Variants in CD248 observed in about 807,000 individuals in gnomAD.
The protein encoded by CD248 is CD248 molecule.
A neutral mutation model predicts 8.0 loss-of-function variants in CD248; 7 were observed. The ratio of observed to expected loss-of-function variants is 0.88; its 90% confidence interval spans 0.50 to 1.64. CD248 has a LOEUF of 1.64. Among genes scored for constraint, CD248 ranks in the 40% most tolerant of loss-of-function variants. The pLI, the probability that CD248 is intolerant of heterozygous loss-of-function variation, is 0.00. For synonymous variants in CD248, 418 were observed against 437.1 expected, an observed-to-expected ratio of 0.96 and a Z score of 0.54; for missense variants, 912 against 1,027.2, an observed-to-expected ratio of 0.89 and a Z score of 1.53.
chr11:66,316,683 G>A lies in CD248; in HGVS notation c.345C>T (p.Thr115=). The change falls in exon 1 of 1, where the codon ACC becomes ACT. Residue 115 remains threonine (T), a synonymous_variant. Coordinates refer to ENST00000311330, the MANE Select transcript of CD248 (RefSeq NM_020404.3). ...CTCCAGAGGCTGGCTGGGCCCAGTT[G>A]GTGAAAGCCGTGTCCTGGTCCCCTG... ...WTTGDQDTAF[T]NWAQPASGGP... is the part of the protein sequence containing the mutation. 6.2e-7 allele frequency: 1 copy of A among 1,606,852 alleles called. No homozygotes were observed. The highest frequency in any genetic ancestry group is 8.5e-7 in the Non-Finnish European group (1 of 1,179,474).
chr11:66,317,008 A>T lies in CD248; in HGVS notation c.20T>A (p.Leu7Gln). ...TGTGGGCCCTGCGGCCGCCCAGGCC[A>T]GCAACAGGCGCAGCAGCATCGCGAT... is the stretch of plus-strand genomic sequence containing the variant. Reference protein sequence around the residue: MLLRLLLAWAAAGPTLG... With the variant: MLLRLLQAWAAAGPTLG... The change falls in exon 1 of 1, where the codon CTG becomes CAG. Residue 7 changes from leucine (L) to glutamine (Q), a missense_variant. Coordinates refer to ENST00000311330, the MANE Select transcript of CD248 (RefSeq NM_020404.3). 3 of 1,474,532 alleles carry T rather than the reference A, an allele frequency of 2.0e-6. No homozygotes were observed. Among genetic ancestry groups the T allele is most frequent in the Non-Finnish European group, 2.7e-6 (3 of 1,124,544 alleles). The allele number at this position is 1,474,532 out of a possible 1,614,324, so 91.3% of individuals were successfully genotyped here.
chr11:66,316,945 G>A lies in CD248; in HGVS notation c.83C>T (p.Ala28Val), dbSNP rs1347297805. 1 of 1,550,992 alleles carries A rather than the reference G, an allele frequency of 6.4e-7. No homozygotes were observed. The highest frequency in any genetic ancestry group is 8.6e-7 in the Non-Finnish European group (1 of 1,160,122). The change falls in exon 1 of 1, where the codon GCC becomes GTC. Residue 28 changes from alanine to valine, a missense_variant. By Grantham distance (64) the Ala-to-Val change is moderately conservative (BLOSUM62 0). This residue lies in a region of CD248 where 403 missense variants were observed against 446.2 expected (regional missense o/e 0.90). Coordinates refer to ENST00000311330, the MANE Select transcript of CD248 (RefSeq NM_020404.3). ...AGCGTAGCAGCTGCTGGGGCCGCAGGCGGCACGGGGCTCAGCAGCCCAGGG... is the reference window on the plus strand; with the variant it reads ...AGCGTAGCAGCTGCTGGGGCCGCAGACGGCACGGGGCTCAGCAGCCCAGGG... ...QDPWAAEPRA[A>V]CGPSSCYALF...
chr11:66,316,603 C>T lies in CD248; in HGVS notation c.425G>A (p.Trp142Ter). The T allele has an allele frequency of 6.2e-7, 1 of 1,601,996 alleles. No individual in the cohort carries two copies. Among genetic ancestry groups the T allele is most frequent in the African/African-American group, 1.3e-5 (1 of 75,030 alleles). ...VALEASGEHR[W>*]LEGSCTLAVD... ...AGCCAGCGTGCACGAGCCCTCCAGC[C>T]AGCGGTGCTCGCCACTTGCCTCCAG... The change falls in exon 1 of 1, where the codon TGG (tryptophan) becomes TAG (stop). Residue 142 changes from tryptophan (W) to a stop codon, truncating the protein, a stop_gained. Coordinates refer to ENST00000311330, the MANE Select transcript of CD248 (RefSeq NM_020404.3). LOFTEE classifies it low-confidence loss of function (END_TRUNC).
In CD248 at chr11:66,316,563, C is replaced by A; in HGVS notation, c.465G>T (p.Leu155=). 1 of 1,600,484 alleles carries A rather than the reference C, an allele frequency of 6.2e-7. No homozygotes were observed. Residue 155 remains leucine, a synonymous_variant, in exon 1 of 1, where the codon CTG becomes CTT. Coordinates refer to ENST00000311330, the MANE Select transcript of CD248 (RefSeq NM_020404.3). ...AGGCGCCCTCGAAGCCAAACTGGCACAGGTAGCCGTCGACAGCCAGCGTGC... is the reference window on the plus strand; with the variant it reads ...AGGCGCCCTCGAAGCCAAACTGGCAAAGGTAGCCGTCGACAGCCAGCGTGC... ...GSCTLAVDGY[L]CQFGFEGACP...
rs114284078 is a variant in CD248 at position 66,315,891 on chromosome 11, G to T, written c.1137C>A (p.Asp379Glu). Residue 379 changes from aspartate (D) to glutamate (E), a missense_variant, in exon 1 of 1, where the codon GAC becomes GAA. Physicochemically the swap from Asp to Glu is conservative, Grantham distance 45. This residue lies in a region of CD248 where 507 missense variants were observed against 562.2 expected (regional missense o/e 0.90). Coordinates refer to ENST00000311330, the MANE Select transcript of CD248 (RefSeq NM_020404.3). This position sits in a 1 kb window ranked among gnomAD's most constrained non-coding sequence, Gnocchi z 4.3. The stretch of plus-strand genomic sequence containing the variant: ...CACCGTTGAAGGCCTTCCAGGCCTC[G>T]TCTTCATCTTCCTCATCCTCCCCGT... Reference protein sequence around the residue: ...LDDGEDEEDEDEAWKAFNGGW... With the variant: ...LDDGEDEEDEEEAWKAFNGGW... The T allele has an allele frequency of 7.4e-6, 12 of 1,613,656 alleles. No individual in the cohort carries two copies. The highest frequency in any genetic ancestry group is 9.3e-6 in the Non-Finnish European group (11 of 1,180,004).
chr11:66,315,669 G>A lies in CD248; in HGVS notation c.1359C>T (p.Val453=). Residue 453 remains valine, a synonymous_variant, in exon 1 of 1, where the codon GTC becomes GTT. Transcript: ENST00000311330. The surrounding 1 kb of genome is among the most constrained non-coding windows in gnomAD (Gnocchi z 4.3). ...SVLSVTRPVV[V]SATHPTLPSA... is the part of the protein sequence containing the mutation. Reference sequence around the variant, plus strand: ...AAGGCAGTGTGGGATGCGTGGCAGAGACCACCACAGGCCGGGTGACGGAGA... The same window carrying A: ...AAGGCAGTGTGGGATGCGTGGCAGAAACCACCACAGGCCGGGTGACGGAGA... 1 of 1,613,764 alleles carries A rather than the reference G, an allele frequency of 6.2e-7. No homozygotes were observed. Among genetic ancestry groups the A allele is most frequent in the South Asian group, 1.1e-5 (1 of 91,078 alleles).
At position 66,314,718 on chromosome 11, in the gene CD248, A is replaced by G. The variant is rs754165698; in HGVS notation, c.*36T>C. 1 of 1,511,852 alleles carries G rather than the reference A, an allele frequency of 6.6e-7. No individual in the cohort carries two copies. Among genetic ancestry groups the G allele is most frequent in the Non-Finnish European group, 8.9e-7 (1 of 1,120,382 alleles). 93.7% of individuals were successfully genotyped at this position (1,511,852 alleles called of 1,614,324 possible). On this transcript the variant is annotated 3_prime_UTR_variant, in exon 1 of 1. Transcript: ENST00000311330. This position sits in a 1 kb window ranked among gnomAD's most constrained non-coding sequence, Gnocchi z 4.0. ...CTGGTGCAGCCCCGGCCATGTGTCC[A>G]GCGCCCCATACTCCATGAGGGGGGT... is the stretch of plus-strand genomic sequence containing the variant.
rs991947564 is a variant in CD248, at chr11:66,316,295, C to T, written c.733G>A (p.Glu245Lys). ...TGACCATCCACCTCCTCCACACATTCGTGTTCGCAGCCCCCGTTGTCAGGG... is the reference window on the plus strand; with the variant it reads ...TGACCATCCACCTCCTCCACACATTTGTGTTCGCAGCCCCCGTTGTCAGGG... ...CSPDNGGCEH[E>K]CVEEVDGHVS... Residue 245 changes from glutamate to lysine, a missense_variant, in exon 1 of 1, where the codon GAA becomes AAA. Physicochemically the swap from Glu to Lys is moderately conservative, Grantham distance 56 (BLOSUM62 1). This residue lies in a region of CD248 where 403 missense variants were observed against 446.2 expected (regional missense o/e 0.90). Transcript: ENST00000311330. 3.7e-6 allele frequency: 6 copies of T among 1,613,186 alleles called. No homozygotes were observed. Among genetic ancestry groups the T allele is most frequent in the South Asian group, 3.3e-5 (3 of 91,062 alleles).
chr11:66,315,949 G>C lies in CD248; in HGVS notation c.1079C>G (p.Ala360Gly), dbSNP rs766360507. ...CAACTCATCTCCGAGGTCCTGGGAA[G>C]CCTGGGCACCCATGGCCCCTGCAGG... The part of the protein sequence containing the change: ...CSPAGAMGAQ[A>G]SQDLGDELLD... Residue 360 changes from alanine to glycine, a missense_variant, in exon 1 of 1, where the codon GCT becomes GGT. Ala to Gly is a moderately conservative substitution (Grantham distance 60, BLOSUM62 0). Transcript: ENST00000311330. This position sits in a 1 kb window ranked among gnomAD's most constrained non-coding sequence, Gnocchi z 4.3. 3.1e-6 allele frequency: 5 copies of C among 1,613,162 alleles called. No individual in the cohort carries two copies. In the African/African-American group the frequency reaches 6.7e-5, roughly 22 times the overall value.
Position 66,316,622 on chromosome 11 carries a change from C to A in CD248, c.406G>T (p.Ala136Ser). ...CPAQRCVALE[A>S]SGEHRWLEGS... ...TCCAGCCAGCGGTGCTCGCCACTTG[C>A]CTCCAGGGCCACACAGCGCTGGGCC... The change falls in exon 1 of 1, where the codon GCA (alanine) becomes TCA (serine). Residue 136 changes from alanine to serine, a missense_variant. Physicochemically the swap from Ala to Ser is moderately conservative, Grantham distance 99 (BLOSUM62 1). This residue lies in a region of CD248 where 403 missense variants were observed against 446.2 expected (regional missense o/e 0.90). Coordinates refer to ENST00000311330, the MANE Select transcript of CD248 (RefSeq NM_020404.3). 2 of 1,602,858 alleles carry A rather than the reference C, an allele frequency of 1.2e-6. No homozygotes were observed. The highest frequency in any genetic ancestry group is 1.7e-6 in the Non-Finnish European group (2 of 1,178,784).
Position 66,315,975 on chromosome 11 carries a change from G to T in CD248, c.1053C>A (p.Ser351Arg), listed in dbSNP as rs774315364. The T allele has an allele frequency of 1.6e-5, 26 of 1,613,258 alleles. No homozygotes were observed. The highest frequency in any genetic ancestry group is 2.1e-5 in the Non-Finnish European group (25 of 1,180,022). Residue 351 changes from serine to arginine, a missense_variant, in exon 1 of 1, where the codon AGC becomes AGA. Around this residue, in one of 3 missense-constraint regions of CD248, gnomAD observed 507 missense variants for 562.2 expected, o/e 0.90. Transcript: ENST00000311330. This position sits in a 1 kb window ranked among gnomAD's most constrained non-coding sequence, Gnocchi z 4.3. Reference protein sequence around the residue: ...HELEADGISCSPAGAMGAQAS... With the variant: ...HELEADGISCRPAGAMGAQAS... ...CCTGGGCACCCATGGCCCCTGCAGG[G>T]CTGCAGCTGATGCCATCAGCCTCCA...
At position 66,316,289 on chromosome 11, in the gene CD248, C is replaced by T; in HGVS notation, c.739G>A (p.Val247Met). Reference sequence around the variant, plus strand: ...GACACGTGACCATCCACCTCCTCCACACATTCGTGTTCGCAGCCCCCGTTG... The same window carrying T: ...GACACGTGACCATCCACCTCCTCCATACATTCGTGTTCGCAGCCCCCGTTG... The part of the protein sequence containing the change: ...PDNGGCEHEC[V>M]EEVDGHVSCR... The change falls in exon 1 of 1, where the codon GTG (valine) becomes ATG (methionine). Residue 247 changes from valine (V) to methionine (M), a missense_variant. Val to Met is a conservative substitution (Grantham distance 21). Coordinates refer to ENST00000311330, the MANE Select transcript of CD248 (RefSeq NM_020404.3). 1 of 1,613,202 alleles carries T rather than the reference C, an allele frequency of 6.2e-7. No homozygotes were observed.
In CD248 at chr11:66,316,166, C is replaced by A; in HGVS notation, c.862G>T (p.Gly288Trp). 1 of 1,612,426 alleles carries A rather than the reference C, an allele frequency of 6.2e-7. No individual in the cohort carries two copies. Among genetic ancestry groups the A allele is most frequent in the East Asian group, 2.2e-5 (1 of 44,894 alleles). ...APCEQQCEPG[G>W]PQGYSCHCRL... ...CAGTGGCAGCTGTAGCCTTGTGGCCCACCGGGCTCACACTGCTGCTCGCAC... is the reference window on the plus strand; with the variant it reads ...CAGTGGCAGCTGTAGCCTTGTGGCCAACCGGGCTCACACTGCTGCTCGCAC... Residue 288 changes from glycine (G) to tryptophan (W), a missense_variant, in exon 1 of 1, where the codon GGG (glycine) becomes TGG (tryptophan). Gly to Trp is a radical substitution (Grantham distance 184, BLOSUM62 -2). This residue lies in a region of CD248 where 403 missense variants were observed against 446.2 expected (regional missense o/e 0.90). Transcript: ENST00000311330.
rs1459622136 is a variant in CD248 at position 66,314,664 on chromosome 11, C to G, written c.*90G>C. On this transcript the variant is annotated 3_prime_UTR_variant, in exon 1 of 1. Coordinates refer to ENST00000311330, the MANE Select transcript of CD248 (RefSeq NM_020404.3). The surrounding 1 kb of genome is among the most constrained non-coding windows in gnomAD (Gnocchi z 4.0). ...CTGGGCCTGGGGAGCAGGAAGCCAT[C>G]TGTCCAGCTGGGCAGCCCCCATGGG... is the stretch of plus-strand genomic sequence containing the variant. 2.7e-5 allele frequency: 30 copies of G among 1,114,908 alleles called. No homozygotes were observed. The highest frequency in any genetic ancestry group is 1.3e-6 in the Non-Finnish European group (1 of 793,302). 69.1% of individuals were successfully genotyped at this position (1,114,908 alleles called of 1,614,324 possible). A position where few individuals can be genotyped will look rare whatever the true frequency, so the allele number is the denominator to read the frequency against.
rs772343825 is a variant in CD248, at chr11:66,316,070, C to T, written c.958G>A (p.Gly320Ser). The T allele has an allele frequency of 1.1e-5, 18 of 1,613,612 alleles. No homozygotes were observed. Among genetic ancestry groups the T allele is most frequent in the Admixed American group, 8.3e-5 (5 of 60,004 alleles). ...TTGACACACATCTGCTGGCACACACCGGCAATCTGGCACTCATCTGTGTCC... is the reference window on the plus strand; with the variant it reads ...TTGACACACATCTGCTGGCACACACTGGCAATCTGGCACTCATCTGTGTCC... Reference protein sequence around the residue: ...CVDTDECQIAGVCQQMCVNYV... With the variant: ...CVDTDECQIASVCQQMCVNYV... The change falls in exon 1 of 1, where the codon GGT becomes AGT. Residue 320 changes from glycine to serine, a missense_variant. Transcript: ENST00000311330.
At position 66,316,459 on chromosome 11, in the gene CD248, A is replaced by C. The variant is rs1426139951; in HGVS notation, c.569T>G (p.Phe190Cys). The change falls in exon 1 of 1, where the codon TTT becomes TGT. Residue 190 changes from phenylalanine (F) to cysteine (C), a missense_variant. Physicochemically the swap from Phe to Cys is radical, Grantham distance 205 (BLOSUM62 -2). This residue lies in a region of CD248 where 403 missense variants were observed against 446.2 expected (regional missense o/e 0.90). Coordinates refer to ENST00000311330, the MANE Select transcript of CD248 (RefSeq NM_020404.3). ...TTPFHLVSTE[F>C]EWLPFGSVAA... ...CACAGAGCCGAAGGGCAGCCACTCA[A>C]ACTCTGTGGAGACCAGGTGGAAGGG... The C allele has an allele frequency of 6.2e-7, 1 of 1,600,870 alleles. No individual in the cohort carries two copies. Among genetic ancestry groups the C allele is most frequent in the Non-Finnish European group, 8.5e-7 (1 of 1,179,792 alleles).
chr11:66,315,886 G>A lies in CD248; in HGVS notation c.1142C>T (p.Ala381Val), dbSNP rs201880932. 1.2e-6 allele frequency: 2 copies of A among 1,613,726 alleles called. No homozygotes were observed. The highest frequency in any genetic ancestry group is 1.7e-5 in the Admixed American group (1 of 60,004). ...CCAGCCACCGTTGAAGGCCTTCCAG[G>A]CCTCGTCTTCATCTTCCTCATCCTC... ...DGEDEEDEDE[A>V]WKAFNGGWTE... The change falls in exon 1 of 1, where the codon GCC becomes GTC. Residue 381 changes from alanine (A) to valine (V), a missense_variant. Physicochemically the swap from Ala to Val is moderately conservative, Grantham distance 64. This residue lies in a region of CD248 where 507 missense variants were observed against 562.2 expected (regional missense o/e 0.90). Transcript: ENST00000311330. The surrounding 1 kb of genome is among the most constrained non-coding windows in gnomAD (Gnocchi z 4.3).
Position 66,315,689 on chromosome 11 carries a change from C to T in CD248, c.1339G>A (p.Val447Ile), listed in dbSNP as rs757182625. 28 of 1,613,044 alleles carry T rather than the reference C, an allele frequency of 1.7e-5. No individual in the cohort carries two copies. The highest frequency in any genetic ancestry group is 1.5e-4 in the Admixed American group (9 of 59,966). The change falls in exon 1 of 1, where the codon GTC becomes ATC. Residue 447 changes from valine to isoleucine, a missense_variant. Physicochemically the swap from Val to Ile is conservative, Grantham distance 29. This residue lies in a region of CD248 where 507 missense variants were observed against 562.2 expected (regional missense o/e 0.90). Transcript: ENST00000311330. The surrounding 1 kb of genome is among the most constrained non-coding windows in gnomAD (Gnocchi z 4.3). ...RVPYHSSVLS[V>I]TRPVVVSATH... Reference sequence around the variant, plus strand: ...GCAGAGACCACCACAGGCCGGGTGACGGAGAGCACTGAGGAGTGGTAGGGG... The same window carrying T: ...GCAGAGACCACCACAGGCCGGGTGATGGAGAGCACTGAGGAGTGGTAGGGG...
In CD248 at chr11:66,316,996, G is replaced by T; in HGVS notation, c.32C>A (p.Ala11Asp). The change falls in exon 1 of 1, where the codon GCC becomes GAC. Residue 11 changes from alanine to aspartate, a missense_variant. By Grantham distance (126) the Ala-to-Asp change is moderately radical. Around this residue, in one of 3 missense-constraint regions of CD248, gnomAD observed 403 missense variants for 446.2 expected, o/e 0.90. Transcript: ENST00000311330. MLLRLLLAWA[A>D]AGPTLGQDPW... ...GTCCTGGCCCAGTGTGGGCCCTGCG[G>T]CCGCCCAGGCCAGCAACAGGCGCAG... The T allele has an allele frequency of 6.7e-7, 1 of 1,483,092 alleles. No individual in the cohort carries two copies. The allele number at this position is 1,483,092 out of a possible 1,614,324, so 91.9% of individuals were successfully genotyped here. A position where few individuals can be genotyped will look rare whatever the true frequency, so the allele number is the denominator to read the frequency against.
Sources: allele counts gnomAD v4.1 joint callset, GRCh38; gene constraint gnomAD v4.1.1; regional missense constraint gnomAD v4.1.1; non-coding constraint Gnocchi (gnomAD v3.1); transcripts MANE v1.5; gene names NCBI Gene and HGNC (gene_info 2026-07-23, HGNC 2026-07-21).